Variants in MAP4K3 observed in about 807,000 individuals in gnomAD.
MAP4K3 encodes MAPK/ERK kinase kinase kinase 3.
MAP4K3 carries 94 observed loss-of-function variants against 143.5 expected under a neutral mutation model. That is an observed-to-expected ratio of 0.65 (90% CI 0.55 to 0.78). The LOEUF (loss-of-function observed/expected upper bound fraction) is 0.78, where lower values mean the gene tolerates loss of function less well. Ranked by LOEUF, MAP4K3 falls within the 30% of genes least tolerant of loss-of-function variation. The pLI is 0.00. For synonymous variants in MAP4K3, 416 were observed against 347.2 expected, an observed-to-expected ratio of 1.20 and a Z score of -2.20; for missense variants, 1,077 against 1,068.1, an observed-to-expected ratio of 1.01 and a Z score of -0.12.
chr2:39,328,602 A>AC (rs1046182971), intron 8 of MAP4K3, among the ~76,000 whole-genome samples: 3 of 152,100 alleles, frequency 2.0e-5, no homozygotes, highest in Non-Finnish European at 4.4e-5. Flanking sequence ...AAAATAAAAG[A>AC]TTTTTTGGAT....
chr2:39,339,435 CAGTA>C (rs1439812771), intron 4 of MAP4K3, among the ~76,000 whole-genome samples: 3 of 152,018 alleles, frequency 2.0e-5, no homozygotes, highest in Non-Finnish European at 1.5e-5. Context: ...ACTTTACAAA[CAGTA>C]AGATACTTTC....
At chr2:39,381,266 G>C (rs1666349834) in intron 1 of MAP4K3, among the ~76,000 whole-genome samples, 1 of 152,180 alleles carries the variant, frequency 6.6e-6, no homozygotes, top group Admixed American at 6.5e-5. Context: ...GTGTGGACCT[G>C]TTTTCAATTT....
chr2:39,406,589 G>T (rs1251456090), intron 1 of MAP4K3, among the ~76,000 whole-genome samples: 2 of 152,098 alleles, frequency 1.3e-5, no homozygotes, highest in Non-Finnish European at 2.9e-5. Context: ...AAGTGAGGAA[G>T]GAAAAAGAAC....
At chr2:39,408,814 C>G (rs1355951223) in intron 1 of MAP4K3, among the ~76,000 whole-genome samples, 4 of 152,116 alleles carry the variant, frequency 2.6e-5, no homozygotes, top group African/African-American at 9.7e-5. Flanking sequence ...AAAGAAGAAG[C>G]AGTGCCAGAA....
intron 1 of MAP4K3, among the ~76,000 whole-genome samples, chr2:39,400,666 T>C (rs994390736): frequency 7.9e-5 from 12 of 152,016 alleles, no homozygotes; most frequent in Non-Finnish European, 4.4e-5. Flanking sequence ...AATTTATTAT[T>C]ATAAATTATG....
intron 24 of MAP4K3, among the ~76,000 whole-genome samples, chr2:39,275,004 G>C (rs1681187043): frequency 1.3e-5 from 2 of 152,264 alleles, no homozygotes; most frequent in South Asian, 2.1e-4. Flanking sequence ...TTCACAGTAA[G>C]ATGAAAAATT....
chr2:39,420,420 ATTTTG>A (rs1667513390), intron 1 of MAP4K3, among the ~76,000 whole-genome samples: 1 of 151,784 alleles, frequency 6.6e-6, no homozygotes, highest in Non-Finnish European at 1.5e-5. Context: ...ATTTTTTTTA[ATTTTG>A]TTTTTTGTTT....
Position 39,308,351 on chromosome 2 carries a change from T to G in MAP4K3, c.1057-346A>C, listed in dbSNP as rs572549234. ...CCACCCCTCTTCATAAATGTCAGGC[T>G]TTGGTATTACAATATGATCATTTTA... On this transcript the variant is annotated intron_variant, in intron 14 of 33. Transcript: ENST00000263881. Among the ~76,000 whole-genome samples the G allele has an allele frequency of 9.7e-4, 148 of 152,320 alleles. 1 individual carries two copies. Among genetic ancestry groups the G allele is most frequent in the African/African-American group, 3.2e-3 (133 of 41,586 alleles).
At chr2:39,418,105 A>G (rs1667435275) in intron 1 of MAP4K3, among the ~76,000 whole-genome samples, 1 of 151,822 alleles carries the variant, frequency 6.6e-6, no homozygotes, top group African/African-American at 2.4e-5. Flanking sequence ...CAGGAGGCTG[A>G]GGCAGGAGAA....
chr2:39,329,090 T>C (rs1683600943), intron 8 of MAP4K3, among the ~76,000 whole-genome samples: 1 of 152,220 alleles, frequency 6.6e-6, no homozygotes, highest in South Asian at 2.1e-4. Flanking sequence ...CAATTTCACA[T>C]GTTCCCAAGA....
intron 1 of MAP4K3, among the ~76,000 whole-genome samples, chr2:39,417,917 T>C (rs896189237): frequency 2.6e-5 from 4 of 151,882 alleles, no homozygotes; most frequent in Non-Finnish European, 4.4e-5. Context: ...AAAAACAAAA[T>C]GATGGCTGGG....
chr2:39,288,194 G>A lies in MAP4K3; in HGVS notation c.1401C>T (p.Ser467=), dbSNP rs1239859630. The change falls in exon 20 of 34, where the codon AGC becomes AGT. Residue 467 remains serine (S), a synonymous_variant. Transcript: ENST00000263881. ...GTGGAACTTGGGATGGCTTTGCTGG[G>A]CTCCCTGACATGGGACATCTCTTGA... ...GTIKRCPMSG[S]PAKPSQVPPR... is the part of the protein sequence containing the mutation. 4 of 1,613,908 alleles carry A rather than the reference G, an allele frequency of 2.5e-6. No individual in the cohort carries two copies. Among genetic ancestry groups the A allele is most frequent in the East Asian group, 2.2e-5 (1 of 44,886 alleles).
At chr2:39,378,512 C>G (rs1279917358) in intron 1 of MAP4K3, among the ~76,000 whole-genome samples, 1 of 152,118 alleles carries the variant, frequency 6.6e-6, no homozygotes, top group Non-Finnish European at 1.5e-5. Flanking sequence ...GCCAGTGAGT[C>G]GACAGTGCTG....
chr2:39,413,781 T>TTTAAAAGAA (rs1667295221), intron 1 of MAP4K3, among the ~76,000 whole-genome samples: 2 of 151,848 alleles, frequency 1.3e-5, no homozygotes, highest in Non-Finnish European at 2.9e-5. Context: ...ATGCCCAGGC[T>TTTAAAAGAA]CCACCTTGTA....
chr2:39,379,982 C>G (rs973107148), intron 1 of MAP4K3, among the ~76,000 whole-genome samples: 2 of 152,034 alleles, frequency 1.3e-5, no homozygotes, highest in Non-Finnish European at 2.9e-5. Context: ...AATTATGACA[C>G]TAACTACTGA....
chr2:39,362,852 T>C (rs981219857), intron 2 of MAP4K3, among the ~76,000 whole-genome samples: 31 of 152,282 alleles, frequency 2.0e-4, no homozygotes, highest in African/African-American at 6.0e-4. Context: ...GACAGACATA[T>C]AGACCAACGG....
chr2:39,363,992 T>TAAAAA (rs70957104), intron 2 of MAP4K3, among the ~76,000 whole-genome samples: 6 of 129,120 alleles, frequency 4.6e-5, no homozygotes, highest in African/African-American at 9.2e-5. Flanking sequence ...ATAGCCATTA[T>TAAAAA]AAAAAAAAAA....
At chr2:39,378,940 CAGTA>C (rs1394526886) in intron 1 of MAP4K3, among the ~76,000 whole-genome samples, 1 of 151,570 alleles carries the variant, frequency 6.6e-6, no homozygotes, top group Non-Finnish European at 1.5e-5. Flanking sequence ...ATTAAAATGG[CAGTA>C]AGTCTTTGTC....
At chr2:39,392,218 T>C (rs1309756994) in intron 1 of MAP4K3, among the ~76,000 whole-genome samples, 1 of 142,820 alleles carries the variant, frequency 7.0e-6, no homozygotes. Flanking sequence ...ACAGTGAAGC[T>C]TATTTAATGC....
Sources: gnomAD v4.1 joint callset for allele counts (sites outside exome capture counted in the v4.1 genomes callset) on GRCh38, gnomAD v4.1.1 for gene constraint, MANE v1.5 for transcripts, NCBI Gene and HGNC (gene_info 2026-07-23, HGNC 2026-07-21) for gene names.